Variants in WASHC3 observed in about 807,000 individuals in gnomAD.
WASHC3 encodes the protein WASH complex subunit 3.
WASHC3 carries 24 observed loss-of-function variants against 26.1 expected under a neutral mutation model. That is an observed-to-expected ratio of 0.92 (90% CI 0.66 to 1.29). WASHC3 has a LOEUF of 1.29. WASHC3 is among the 50% of genes most tolerant of loss of function. The pLI is 0.00. For missense variants in WASHC3, 214 were observed against 229.6 expected, an observed-to-expected ratio of 0.93 and a Z score of 0.44; for synonymous variants, 77 against 75.7, an observed-to-expected ratio of 1.02 and a Z score of -0.09.
At chr12:102,038,021 C>T (rs964699281) in intron 5 of WASHC3, among the ~76,000 whole-genome samples, 4 of 152,044 alleles carry the variant, frequency 2.6e-5, no homozygotes, top group African/African-American at 4.8e-5. Context: ...TCTCAAACTC[C>T]CGACCTCAAG....
chr12:102,018,853 G>A (rs1437866277), intron 6 of WASHC3, among the ~76,000 whole-genome samples: 6 of 152,102 alleles, frequency 3.9e-5, no homozygotes, highest in African/African-American at 1.4e-4. Context: ...CTGGAGTGCA[G>A]TGGCACCATC....
chr12:102,039,309 ACT>A (rs1877837039), intron 5 of WASHC3, among the ~76,000 whole-genome samples: 1 of 151,882 alleles, frequency 6.6e-6, no homozygotes, highest in African/African-American at 2.4e-5. Flanking sequence ...ATGATGGACA[ACT>A]ACCTCTTTCA....
intron 2 of WASHC3, among the ~76,000 whole-genome samples, chr12:102,046,571 C>A (rs1195310621): frequency 3.3e-5 from 5 of 152,160 alleles, no homozygotes; most frequent in South Asian, 2.1e-4. Flanking sequence ...TGATTACAGG[C>A]GTGAGCCACC....
chr12:102,026,495 T>G (rs887271719), intron 5 of WASHC3, among the ~76,000 whole-genome samples: 5 of 152,176 alleles, frequency 3.3e-5, no homozygotes, highest in Admixed American at 6.6e-5. Flanking sequence ...CCAATTCCAT[T>G]TGAACACTTT....
chr12:102,058,941 C>A (rs142309363), intron 2 of WASHC3, among the ~76,000 whole-genome samples: 3 of 152,148 alleles, frequency 2.0e-5, no homozygotes, highest in Admixed American at 6.5e-5. Flanking sequence ...ATGAAATAAG[C>A]CAGTCAAACA....
At chr12:102,054,364 C>A (rs1202834128) in intron 2 of WASHC3, among the ~76,000 whole-genome samples, 1 of 152,186 alleles carries the variant, frequency 6.6e-6, no homozygotes, top group Non-Finnish European at 1.5e-5. Flanking sequence ...AAAAAATGGA[C>A]ACACATAGAT....
chr12:102,017,080 T>G (rs183314055), intron 6 of WASHC3, among the ~76,000 whole-genome samples: 7 of 152,336 alleles, frequency 4.6e-5, no homozygotes, highest in South Asian at 2.1e-4. Flanking sequence ...AACTGCCCTA[T>G]GCAGGTACCA....
chr12:102,034,544 C>T (rs1468832317), intron 5 of WASHC3, among the ~76,000 whole-genome samples: 1 of 152,102 alleles, frequency 6.6e-6, no homozygotes, highest in Non-Finnish European at 1.5e-5. Flanking sequence ...AATGACTGTA[C>T]TCTTGGAAAA....
chr12:102,022,437 T>C (rs1385202212), intron 6 of WASHC3, among the ~76,000 whole-genome samples: 1 of 152,218 alleles, frequency 6.6e-6, no homozygotes, highest in Non-Finnish European at 1.5e-5. Context: ...ACATTGTTTA[T>C]CTTAGTCTGA....
At chr12:102,017,502 G>C (rs1876757750) in intron 6 of WASHC3, among the ~76,000 whole-genome samples, 1 of 152,224 alleles carries the variant, frequency 6.6e-6, no homozygotes, top group African/African-American at 2.4e-5. Context: ...GGAAATAAAA[G>C]AGAATGACAG....
chr12:102,047,941 C>T (rs1878231204), intron 2 of WASHC3, among the ~76,000 whole-genome samples: 2 of 152,102 alleles, frequency 1.3e-5, no homozygotes, highest in Non-Finnish European at 2.9e-5. Flanking sequence ...AATTGAGTCT[C>T]ATACAAGTAA....
intron 2 of WASHC3, among the ~76,000 whole-genome samples, chr12:102,048,736 T>C (rs575753236): frequency 1.3e-5 from 2 of 152,318 alleles, no homozygotes; most frequent in African/African-American, 4.8e-5. Context: ...TTTAATGCTT[T>C]AATAAAGAAC....
chr12:102,042,613 T>C (rs969013544), intron 4 of WASHC3, among the ~76,000 whole-genome samples: 3 of 152,214 alleles, frequency 2.0e-5, no homozygotes, highest in Non-Finnish European at 4.4e-5. Context: ...AATATGGTGC[T>C]TACATTATAG....
At chr12:102,044,964 G>A (rs889162880) in intron 3 of WASHC3, among the ~76,000 whole-genome samples, 7 of 152,078 alleles carry the variant, frequency 4.6e-5, no homozygotes, top group African/African-American at 1.7e-4. Flanking sequence ...CTATGGCCAT[G>A]GAAATAACTA....
At chr12:102,045,700 A>G (rs188996523) in intron 3 of WASHC3, among the ~76,000 whole-genome samples, 1 of 152,238 alleles carries the variant, frequency 6.6e-6, no homozygotes, top group African/African-American at 2.4e-5. Flanking sequence ...TGAGACATCT[A>G]AAGATTTATA....
chr12:102,041,280 C>T (rs1366391033), intron 4 of WASHC3, among the ~76,000 whole-genome samples: 1 of 151,886 alleles, frequency 6.6e-6, no homozygotes, highest in African/African-American at 2.4e-5. Context: ...GAACTACATC[C>T]TGGCCAGATA....
intron 5 of WASHC3, among the ~76,000 whole-genome samples, chr12:102,038,588 T>C (rs1487876412): frequency 6.6e-6 from 1 of 152,244 alleles, no homozygotes; most frequent in Non-Finnish European, 1.5e-5. Flanking sequence ...TAGGCTTTCC[T>C]GGGTTCTAGC....
chr12:102,049,384 A>G (rs1370186367), intron 2 of WASHC3, among the ~76,000 whole-genome samples: 1 of 152,206 alleles, frequency 6.6e-6, no homozygotes, highest in Non-Finnish European at 1.5e-5. Context: ...GAGGAAATGG[A>G]AAGGTAACAG....
chr12:102,039,378 A>C (rs888180723), intron 5 of WASHC3, among the ~76,000 whole-genome samples: 8 of 152,084 alleles, frequency 5.3e-5, no homozygotes, highest in African/African-American at 1.9e-4. Flanking sequence ...TATCACAGAC[A>C]ACTGCAGATA....
Sources: allele counts gnomAD v4.1 joint callset (sites outside exome capture counted in the v4.1 genomes callset), GRCh38; gene constraint gnomAD v4.1.1; transcripts MANE v1.5; gene names NCBI Gene and HGNC (gene_info 2026-07-23, HGNC 2026-07-21).